GALNTL6: variants seen among roughly 807,000 people sequenced by gnomAD.
GALNTL6 encodes polypeptide N-acetylgalactosaminyltransferase-like 6.
GALNTL6 carries 46 observed loss-of-function variants against 73.7 expected under a neutral mutation model. The ratio of observed to expected loss-of-function variants is 0.62; its 90% CI spans 0.49 to 0.80. The LOEUF (loss-of-function observed/expected upper bound fraction) is 0.80. Ranked by LOEUF, GALNTL6 falls within the 30% of genes least tolerant of loss-of-function variation. The pLI is 0.00. For synonymous variants in GALNTL6, 259 were observed against 263.7 expected (o/e 0.98, Z 0.17); for missense variants, 604 against 755.0 (o/e 0.80, Z 2.34).
At chr4:171,984,972 T>C (rs1740021627) in intron 2 of GALNTL6, among the ~76,000 whole-genome samples, 1 of 142,038 alleles carries the variant, frequency 7.0e-6, no homozygotes, top group Non-Finnish European at 1.5e-5. Context: ...ATTAGCAAAA[T>C]ACAAAAATAA....
intron 6 of GALNTL6, among the ~76,000 whole-genome samples, chr4:172,812,305 A>T (rs550387256): frequency 6.6e-6 from 1 of 152,288 alleles, no homozygotes; most frequent in Non-Finnish European, 1.5e-5. Flanking sequence ...TTTACTCCAC[A>T]ATCTCTGGGG....
At chr4:172,770,528 G>C (rs1166327973) in intron 5 of GALNTL6, among the ~76,000 whole-genome samples, 1 of 152,070 alleles carries the variant, frequency 6.6e-6, no homozygotes, top group Non-Finnish European at 1.5e-5. Flanking sequence ...ATCCTACCAA[G>C]AAAAGTTAAG....
chr4:171,964,700 C>T (rs1739333912), intron 2 of GALNTL6, among the ~76,000 whole-genome samples: 1 of 152,216 alleles, frequency 6.6e-6, no homozygotes, highest in Non-Finnish European at 1.5e-5. Context: ...AACAGTTGGT[C>T]TAGTGGTGGC....
At chr4:172,304,289 C>G (rs1740046204) in intron 3 of GALNTL6, among the ~76,000 whole-genome samples, 1 of 152,186 alleles carries the variant, frequency 6.6e-6, no homozygotes, top group African/African-American at 2.4e-5. Context: ...TGTTATGTGG[C>G]AGTCACTCTT....
At chr4:172,231,851 C>T (rs1174730332) in intron 3 of GALNTL6, among the ~76,000 whole-genome samples, 2 of 152,040 alleles carry the variant, frequency 1.3e-5, no homozygotes, top group Non-Finnish European at 1.5e-5. Context: ...TTTATATCTG[C>T]TCCATACCAC....
At chr4:172,884,326 G>A (rs1222014683) in intron 8 of GALNTL6, among the ~76,000 whole-genome samples, 1 of 152,164 alleles carries the variant, frequency 6.6e-6, no homozygotes, top group African/African-American at 2.4e-5. Context: ...ACTTGGGTAA[G>A]ATATAACCTC....
chr4:172,284,398 C>G (rs1739176526), intron 3 of GALNTL6, among the ~76,000 whole-genome samples: 4 of 151,538 alleles, frequency 2.6e-5, no homozygotes, highest in Admixed American at 2.6e-4. Flanking sequence ...CCATCCACCC[C>G]CCACACACAC....
intron 5 of GALNTL6, among the ~76,000 whole-genome samples, chr4:172,421,789 A>G (rs1561075724): frequency 6.6e-6 from 1 of 152,124 alleles, no homozygotes; most frequent in Admixed American, 6.6e-5. Flanking sequence ...TCTCAGTAAC[A>G]GGAGAGAGCT....
At chr4:171,902,208 T>A (rs1737119937) in intron 2 of GALNTL6, among the ~76,000 whole-genome samples, 1 of 152,106 alleles carries the variant, frequency 6.6e-6, no homozygotes, top group Non-Finnish European at 1.5e-5. Flanking sequence ...TTGTGTGAAG[T>A]AAGACAAAGA....
intron 5 of GALNTL6, among the ~76,000 whole-genome samples, chr4:172,772,062 C>A (rs1248656670): frequency 6.8e-6 from 1 of 147,398 alleles, no homozygotes; most frequent in Non-Finnish European, 1.5e-5. Context: ...CACATGGCAG[C>A]AGACAAGCAA....
intron 3 of GALNTL6, among the ~76,000 whole-genome samples, chr4:172,255,109 A>G (rs1360309157): frequency 6.6e-6 from 1 of 151,612 alleles, no homozygotes; most frequent in African/African-American, 2.4e-5. Flanking sequence ...GTCACAAGGG[A>G]CTATAATATT....
chr4:172,812,149 C>G (rs2110994900), intron 6 of GALNTL6, among the ~76,000 whole-genome samples: 1 of 152,106 alleles, frequency 6.6e-6, no homozygotes, highest in Non-Finnish European at 1.5e-5. Flanking sequence ...GTTTCCATCC[C>G]CTGCTTCATC....
At chr4:172,556,511 C>T (rs377372287) in intron 5 of GALNTL6, among the ~76,000 whole-genome samples, 2 of 151,938 alleles carry the variant, frequency 1.3e-5, no homozygotes, top group South Asian at 2.1e-4. Context: ...TAATATGTTC[C>T]AAATATTGCA....
At chr4:172,126,651 C>T (rs1178646976) in intron 2 of GALNTL6, among the ~76,000 whole-genome samples, 2 of 152,158 alleles carry the variant, frequency 1.3e-5, no homozygotes, top group East Asian at 3.9e-4. Context: ...CCCCTAGACC[C>T]TCGGAGTCCC....
intron 3 of GALNTL6, among the ~76,000 whole-genome samples, chr4:172,303,421 C>A (rs1436672485): frequency 2.0e-5 from 3 of 152,166 alleles, no homozygotes; most frequent in African/African-American, 7.2e-5. Flanking sequence ...TGTTACTACT[C>A]CACCTTATGA....
At chr4:172,628,258 T>C (rs1739248950) in intron 5 of GALNTL6, among the ~76,000 whole-genome samples, 1 of 152,176 alleles carries the variant, frequency 6.6e-6, no homozygotes, top group Non-Finnish European at 1.5e-5. Context: ...CATTCACTTT[T>C]GCTGATAACA....
At chr4:172,049,428 A>C (rs1430230122) in intron 2 of GALNTL6, among the ~76,000 whole-genome samples, 1 of 152,138 alleles carries the variant, frequency 6.6e-6, no homozygotes, top group Non-Finnish European at 1.5e-5. Flanking sequence ...ACCTTTTATA[A>C]AATAGTAATT....
chr4:171,816,502 A>G (rs1734527725), intron 2 of GALNTL6: 1 of 152,080 alleles, frequency 6.6e-6, no homozygotes, highest in South Asian at 2.1e-4. Context: ...TGGGGTGGCA[A>G]GAGAATTTTC....
intron 5 of GALNTL6, among the ~76,000 whole-genome samples, chr4:172,389,829 G>A (rs1743598101): frequency 6.6e-6 from 1 of 151,912 alleles, no homozygotes; most frequent in Admixed American, 6.6e-5. Context: ...TTGAGTAAAG[G>A]GCTGCTGGAG....
Sources: gnomAD v4.1 joint callset for allele counts (sites outside exome capture counted in the v4.1 genomes callset) on GRCh38, gnomAD v4.1.1 for gene constraint, MANE v1.5 for transcripts, NCBI Gene and HGNC (gene_info 2026-07-23, HGNC 2026-07-21) for gene names.